The following PLEKHG7 variants were observed in gnomAD, a reference collection of about 807,000 sequenced individuals.
PLEKHG7 encodes pleckstrin homology domain-containing family G member 7.
PLEKHG7 carries 77 observed loss-of-function variants against 85.2 expected under a neutral mutation model. The ratio of observed to expected loss-of-function variants is 0.90; its 90% CI spans 0.75 to 1.09. The LOEUF (loss-of-function observed/expected upper bound fraction) is 1.09. Among genes scored for constraint, PLEKHG7 ranks in the 50% least tolerant of loss-of-function variants. The probability of loss-of-function intolerance (pLI) is 0.00; values close to 1 mark genes in which losing one functional copy is unlikely to be tolerated. For synonymous variants in PLEKHG7, 301 were observed against 302.4 expected (o/e 1.00, Z 0.05); for missense variants, 777 against 804.3 (o/e 0.97, Z 0.41).
chr12:92,732,028 A>G (rs1304390148), intron 4 of PLEKHG7, among the ~76,000 whole-genome samples: 2 of 152,206 alleles, frequency 1.3e-5, no homozygotes, highest in African/African-American at 4.8e-5. Context: ...ACAGAACACC[A>G]ACTTTTAGGT....
chr12:92,741,046 T>A (rs538883601), intron 8 of PLEKHG7, 98 bp downstream of exon 8: 2 of 751,756 alleles, frequency 2.7e-6, no homozygotes, highest in Non-Finnish European at 4.3e-6. Flanking sequence ...ATAATACATC[T>A]CCATATTCCA....
chr12:92,735,072 A>G (rs1301536966), intron 5 of PLEKHG7, among the ~76,000 whole-genome samples: 3 of 152,190 alleles, frequency 2.0e-5, no homozygotes, highest in Admixed American at 6.5e-5. Context: ...GGTCAAACCC[A>G]TAGAAAGCCA....
intron 9 of PLEKHG7, among the ~76,000 whole-genome samples, chr12:92,742,745 C>G (rs949898034): frequency 5.9e-5 from 9 of 151,834 alleles, no homozygotes; most frequent in African/African-American, 2.2e-4. Context: ...ACCACCACGC[C>G]GAGTTAATTT....
intron 3 of PLEKHG7, among the ~76,000 whole-genome samples, chr12:92,720,569 G>T (rs545775727): frequency 6.6e-6 from 1 of 151,968 alleles, no homozygotes; most frequent in Admixed American, 6.6e-5. Flanking sequence ...CAGGTGATCC[G>T]CCCACCTTGG....
intron 3 of PLEKHG7, among the ~76,000 whole-genome samples, chr12:92,713,531 T>C (rs1231605189): frequency 2.0e-5 from 3 of 152,158 alleles, no homozygotes; most frequent in Non-Finnish European, 2.9e-5. Context: ...ATTATTCCCA[T>C]TGTATTTAAA....
At chr12:92,743,088 C>T (rs940032238) in intron 9 of PLEKHG7, among the ~76,000 whole-genome samples, 11 of 152,110 alleles carry the variant, frequency 7.2e-5, no homozygotes, top group African/African-American at 2.7e-4. Context: ...TCAGTTGTGC[C>T]ACGGTAGCAA....
chr12:92,747,100 T>C (rs1262587475), intron 10 of PLEKHG7, among the ~76,000 whole-genome samples: 1 of 152,112 alleles, frequency 6.6e-6, no homozygotes, highest in African/African-American at 2.4e-5. Flanking sequence ...ATCTGCAGAA[T>C]GGGAGAAAAT....
intron 10 of PLEKHG7, among the ~76,000 whole-genome samples, chr12:92,752,896 CTT>C (rs1166710629): frequency 2.0e-5 from 3 of 152,134 alleles, no homozygotes; most frequent in African/African-American, 7.2e-5. Flanking sequence ...AGACAGCTGT[CTT>C]CTCGCTGTAG....
At chr12:92,749,286 T>A (rs922750155) in intron 10 of PLEKHG7, among the ~76,000 whole-genome samples, 20 of 151,546 alleles carry the variant, frequency 1.3e-4, no homozygotes, top group Non-Finnish European at 2.4e-4. Context: ...TTAATTAATT[T>A]ATTTATGTAT....
At position 92,756,283 on chromosome 12, in the gene PLEKHG7, C is replaced by T. The variant is rs751632996; in HGVS notation, c.1543-15C>T. The T allele has an allele frequency of 2.1e-5, 33 of 1,566,444 alleles. No individual in the cohort carries two copies. Among genetic ancestry groups the T allele is most frequent in the East Asian group, 4.5e-5 (2 of 44,442 alleles). On this transcript the variant is annotated splice_polypyrimidine_tract_variant and intron_variant, in intron 12 of 16. Coordinates refer to ENST00000344636, the MANE Select transcript of PLEKHG7 (RefSeq NM_001377329.1). ...ACTAACAACATCTCTTTTATTTTCT[C>T]GCTTGTTTTACAAGTGTTTGAAACA...
chr12:92,706,533 C>A lies in PLEKHG7; in HGVS notation c.-99C>A. ...AAAAGAACTACGAGAGGAAGCATGGCACTTGGATGCAGAAATTGAGCACCC... is the reference window on the plus strand; with the variant it reads ...AAAAGAACTACGAGAGGAAGCATGGAACTTGGATGCAGAAATTGAGCACCC... On this transcript the variant is annotated 5_prime_UTR_variant, in exon 2 of 17. Coordinates refer to ENST00000344636, the MANE Select transcript of PLEKHG7 (RefSeq NM_001377329.1). 1 of 1,395,318 alleles carries A rather than the reference C, an allele frequency of 7.2e-7. No individual in the cohort carries two copies. The highest frequency in any genetic ancestry group is 9.6e-7 in the Non-Finnish European group (1 of 1,039,168). 86.4% of individuals were successfully genotyped at this position (1,395,318 alleles called of 1,614,324 possible).
chr12:92,715,023 GATA>G (rs1871439457), intron 3 of PLEKHG7, among the ~76,000 whole-genome samples: 4 of 55,116 alleles, frequency 7.3e-5, no homozygotes, highest in Admixed American at 5.5e-4. Flanking sequence ...TAATGGGATA[GATA>G]GATAGATAGA....
At chr12:92,741,704 C>A (rs1197768342) in intron 9 of PLEKHG7, 112 bp downstream of exon 9, 1 of 646,954 alleles carries the variant, frequency 1.5e-6, no homozygotes, top group Non-Finnish European at 2.5e-6. Flanking sequence ...TCTACCTCCA[C>A]TCTCCTACAA....
intron 10 of PLEKHG7, among the ~76,000 whole-genome samples, chr12:92,747,633 A>G (rs545410292): frequency 1.3e-5 from 2 of 152,390 alleles, no homozygotes; most frequent in South Asian, 2.1e-4. Flanking sequence ...CACTATTTAC[A>G]GTAGCCAAAA....
chr12:92,704,997 A>T (rs1871191741), intron 1 of PLEKHG7, among the ~76,000 whole-genome samples: 1 of 152,196 alleles, frequency 6.6e-6, no homozygotes. Flanking sequence ...CTCCTCCTCT[A>T]CTGATAGGAA....
chr12:92,755,510 T>C (rs1872800785), intron 11 of PLEKHG7, among the ~76,000 whole-genome samples: 1 of 152,158 alleles, frequency 6.6e-6, no homozygotes, highest in Non-Finnish European at 1.5e-5. Context: ...CCTCTAATTA[T>C]AGGCTGTGTG....
chr12:92,746,562 C>A (rs1872538427), intron 10 of PLEKHG7, among the ~76,000 whole-genome samples: 1 of 152,160 alleles, frequency 6.6e-6, no homozygotes, highest in South Asian at 2.1e-4. Flanking sequence ...CATGAATAAT[C>A]ATATTGCAAA....
chr12:92,748,797 A>G (rs1416083502), intron 10 of PLEKHG7, among the ~76,000 whole-genome samples: 2 of 152,248 alleles, frequency 1.3e-5, no homozygotes, highest in Non-Finnish European at 2.9e-5. Flanking sequence ...GCTATGACCC[A>G]TCACCATGGA....
chr12:92,723,391 A>G (rs1871699720), intron 3 of PLEKHG7, among the ~76,000 whole-genome samples: 1 of 152,350 alleles, frequency 6.6e-6, no homozygotes, highest in Non-Finnish European at 1.5e-5. Context: ...TCATTCATTC[A>G]TATTCATCAG....
Sources: gnomAD v4.1 joint callset for allele counts (sites outside exome capture counted in the v4.1 genomes callset) on GRCh38, gnomAD v4.1.1 for gene constraint, MANE v1.5 for transcripts, NCBI Gene and HGNC (gene_info 2026-07-23, HGNC 2026-07-21) for gene names.